MAP3K13: variants seen among roughly 807,000 people sequenced by gnomAD.
MAP3K13 encodes mitogen-activated protein kinase kinase kinase 13.
In MAP3K13, 52 loss-of-function variants were observed where a neutral mutation model predicts 104.0. The observed-to-expected ratio is 0.50, with a 90% CI of 0.40 to 0.63. The LOEUF (loss-of-function observed/expected upper bound fraction) is 0.63, where lower values mean the gene tolerates loss of function less well. Among genes scored for constraint, MAP3K13 ranks in the 20% least tolerant of loss-of-function variants. MAP3K13 has a pLI of 0.00. For missense variants in MAP3K13, 914 were observed against 1,218.5 expected (o/e 0.75, Z 3.72); for synonymous variants, 394 against 442.2 (o/e 0.89, Z 1.37).
chr3:185,451,799 G>A (rs540412925), intron 7 of MAP3K13, among the ~76,000 whole-genome samples: 6 of 151,216 alleles, frequency 4.0e-5, no homozygotes, highest in African/African-American at 7.3e-5. Context: ...CCCGGGAAGC[G>A]GAGGTAGTGT....
chr3:185,430,222 T>C (rs1714666773), intron 2 of MAP3K13, among the ~76,000 whole-genome samples: 1 of 152,148 alleles, frequency 6.6e-6, no homozygotes, highest in African/African-American at 2.4e-5. Context: ...AGTTTTTAAC[T>C]CCCATCATTG....
At chr3:185,351,115 C>G (rs1269383509) in intron 2 of MAP3K13, among the ~76,000 whole-genome samples, 1 of 152,172 alleles carries the variant, frequency 6.6e-6, no homozygotes, top group Non-Finnish European at 1.5e-5. Context: ...AGGAACAGAG[C>G]ACTAAACACC....
chr3:185,467,989 G>T (rs1350372149), intron 10 of MAP3K13, among the ~76,000 whole-genome samples: 1 of 152,066 alleles, frequency 6.6e-6, no homozygotes, highest in East Asian at 1.9e-4. Flanking sequence ...AGAGAGCAAA[G>T]CAGGAGGTGC....
chr3:185,433,986 AAT>A (rs1491381806), intron 2 of MAP3K13, among the ~76,000 whole-genome samples: 1 of 62,314 alleles, frequency 1.6e-5, no homozygotes, highest in South Asian at 5.5e-4. Flanking sequence ...TGTGGAAAAA[AAT>A]AATTTATATC....
At chr3:185,289,256 A>T (rs929196215) in intron 2 of MAP3K13, among the ~76,000 whole-genome samples, 1 of 152,180 alleles carries the variant, frequency 6.6e-6, no homozygotes, top group Admixed American at 6.5e-5. Flanking sequence ...CAGAATTTGA[A>T]CATCAGGAAC....
intron 2 of MAP3K13, among the ~76,000 whole-genome samples, chr3:185,337,010 C>T (rs953126671): frequency 2.0e-5 from 3 of 151,986 alleles, no homozygotes; most frequent in African/African-American, 7.3e-5. Flanking sequence ...TATAATGAAA[C>T]AATAAAATAT....
At chr3:185,445,953 C>A (rs997526733) in intron 4 of MAP3K13, among the ~76,000 whole-genome samples, 1 of 152,190 alleles carries the variant, frequency 6.6e-6, no homozygotes, top group Non-Finnish European at 1.5e-5. Flanking sequence ...TTCTCCAATT[C>A]TCTCATATAT....
intron 1 of MAP3K13, among the ~76,000 whole-genome samples, chr3:185,376,012 A>G (rs537731643): frequency 1.2e-4 from 19 of 152,298 alleles, no homozygotes; most frequent in African/African-American, 4.3e-4. Context: ...CCTGAATGAT[A>G]CTATAGCATA....
At chr3:185,449,677 C>T (rs781224349) in intron 5 of MAP3K13, among the ~76,000 whole-genome samples, 5 of 150,826 alleles carry the variant, frequency 3.3e-5, no homozygotes, top group South Asian at 2.1e-4. Flanking sequence ...TGTTCACACA[C>T]GGGAGTTAAT....
intron 2 of MAP3K13, among the ~76,000 whole-genome samples, chr3:185,352,690 G>A (rs1289661810): frequency 6.6e-6 from 1 of 152,204 alleles, no homozygotes; most frequent in East Asian, 1.9e-4. Context: ...CTTGAACATA[G>A]ATGGCATGCA....
chr3:185,438,211 G>C (rs2148889611), intron 3 of MAP3K13, among the ~76,000 whole-genome samples: 1 of 152,090 alleles, frequency 6.6e-6, no homozygotes, highest in South Asian at 2.1e-4. Flanking sequence ...CAGGGGGATT[G>C]CTTGAACCCA....
chr3:185,359,998 C>T (rs1262317718), upstream of MAP3K13, among the ~76,000 whole-genome samples: 1 of 150,620 alleles, frequency 6.6e-6, no homozygotes, highest in East Asian at 1.9e-4. Flanking sequence ...ATTATTGTAC[C>T]TTAATTTCTA....
At chr3:185,398,725 C>A (rs1438570559) in intron 1 of MAP3K13, among the ~76,000 whole-genome samples, 4 of 152,182 alleles carry the variant, frequency 2.6e-5, no homozygotes, top group African/African-American at 9.7e-5. Context: ...AATTGTGGTA[C>A]CTACTTCCTT....
At chr3:185,456,911 C>T (rs957573601) in intron 7 of MAP3K13, among the ~76,000 whole-genome samples, 2 of 152,106 alleles carry the variant, frequency 1.3e-5, no homozygotes, top group African/African-American at 2.4e-5. Flanking sequence ...AACTTTGCTT[C>T]CTTTACAATA....
At chr3:185,455,210 TGA>T (rs1328369670) in intron 7 of MAP3K13, among the ~76,000 whole-genome samples, 5 of 86,742 alleles carry the variant, frequency 5.8e-5, no homozygotes, top group Admixed American at 4.7e-4. Flanking sequence ...ATGATATATA[TGA>T]GATATATATA....
intron 2 of MAP3K13, among the ~76,000 whole-genome samples, chr3:185,295,290 C>T (rs1720880952): frequency 1.3e-5 from 2 of 152,166 alleles, no homozygotes; most frequent in East Asian, 1.9e-4. Context: ...ACTGCAACCT[C>T]CGCCTCCCAG....
At chr3:185,286,963 C>G (rs1720535642) in intron 2 of MAP3K13, among the ~76,000 whole-genome samples, 2 of 152,058 alleles carry the variant, frequency 1.3e-5, no homozygotes, top group African/African-American at 4.8e-5. Flanking sequence ...TTACTATTCC[C>G]TTATGACTTT....
upstream of MAP3K13, among the ~76,000 whole-genome samples, chr3:185,358,883 T>G (rs1336722984): frequency 1.3e-5 from 2 of 152,196 alleles, no homozygotes; most frequent in Non-Finnish European, 2.9e-5. Context: ...ATAGAGCTCT[T>G]GATCAGCTAG....
intron 7 of MAP3K13, among the ~76,000 whole-genome samples, chr3:185,462,963 C>T (rs537427201): frequency 1.3e-5 from 2 of 152,152 alleles, no homozygotes; most frequent in African/African-American, 4.8e-5. Context: ...TGGCCATACT[C>T]TCTCTTTCCT....
Sources: gnomAD v4.1 joint callset for allele counts (sites outside exome capture counted in the v4.1 genomes callset) on GRCh38, gnomAD v4.1.1 for gene constraint, MANE v1.5 for transcripts, NCBI Gene and HGNC (gene_info 2026-07-23, HGNC 2026-07-21) for gene names.